TBC1D12: variants seen among roughly 807,000 people sequenced by gnomAD.
TBC1D12 encodes TBC1 domain family member 12, also known as TBC1 domain family, member 12.
TBC1D12 carries 56 observed loss-of-function variants against 86.7 expected under a neutral mutation model. The ratio of observed to expected loss-of-function variants is 0.65; its 90% CI spans 0.52 to 0.81. The LOEUF is 0.81. Among genes scored for constraint, TBC1D12 ranks in the 30% least tolerant of loss-of-function variants. The probability of loss-of-function intolerance (pLI) is 0.00; values close to 1 mark genes in which losing one functional copy is unlikely to be tolerated. For synonymous variants in TBC1D12, 421 were observed against 411.7 expected (o/e 1.02, Z -0.27); for missense variants, 1,023 against 1,038.8 (o/e 0.98, Z 0.21).
intron 4 of TBC1D12, among the ~76,000 whole-genome samples, chr10:94,496,821 G>A (rs2056326910): frequency 6.6e-6 from 1 of 152,282 alleles, no homozygotes; most frequent in African/African-American, 2.4e-5. Context: ...AACGTGGCGA[G>A]ACCCATCTCT....
chr10:94,486,136 C>CTTTTTTTTTTTTTTT (rs760373766), intron 3 of TBC1D12, among the ~76,000 whole-genome samples: 29 of 120,868 alleles, frequency 2.4e-4, no homozygotes, highest in South Asian at 3.0e-4. Flanking sequence ...TCTTCTTCTT[C>CTTTTTTTTTTTTTTT]TTCTTTTTTT....
At chr10:94,420,042 G>T (rs750674688) in intron 1 of TBC1D12, among the ~76,000 whole-genome samples, 3 of 152,130 alleles carry the variant, frequency 2.0e-5, no homozygotes, top group Non-Finnish European at 4.4e-5. Context: ...GAATGTTTGT[G>T]TCCCTCCAAA....
At chr10:94,418,441 C>T (rs2055028814) in intron 1 of TBC1D12, among the ~76,000 whole-genome samples, 1 of 152,094 alleles carries the variant, frequency 6.6e-6, no homozygotes, top group Admixed American at 6.5e-5. Context: ...AATGCTATTG[C>T]TAGTTTTGAA....
At chr10:94,531,838 T>C (rs1842436209) in intron 12 of TBC1D12, among the ~76,000 whole-genome samples, 1 of 146,408 alleles carries the variant, frequency 6.8e-6, no homozygotes, top group Non-Finnish European at 1.5e-5. Context: ...TTTTATGTTA[T>C]TTTATTTTAT....
chr10:94,402,783 A>C lies in TBC1D12; in HGVS notation c.170A>C (p.Glu57Ala). 6.5e-7 allele frequency: 1 copy of C among 1,546,104 alleles called. No individual in the cohort carries two copies. Among genetic ancestry groups the C allele is most frequent in the Non-Finnish European group, 8.7e-7 (1 of 1,145,190 alleles). ...CCGGAGGAGGCTGACGAGGAGGAGG[A>C]GGCTGACGAGGAGGAGGAGACGCCG... The part of the protein sequence containing the change: ...EPPEEADEEE[E>A]ADEEEETPPR... Residue 57 changes from glutamate to alanine, a missense_variant, in exon 1 of 13, where the codon GAG becomes GCG. By Grantham distance (107) the Glu-to-Ala change is moderately radical. Transcript: ENST00000225235.
chr10:94,404,411 T>C (rs1340203982), intron 1 of TBC1D12, among the ~76,000 whole-genome samples: 1 of 151,984 alleles, frequency 6.6e-6, no homozygotes, highest in African/African-American at 2.4e-5. Context: ...TTTGGGAGGC[T>C]GAGGCGGGCG....
At chr10:94,501,865 G>C (rs566099205) in intron 6 of TBC1D12, among the ~76,000 whole-genome samples, 2 of 151,806 alleles carry the variant, frequency 1.3e-5, no homozygotes, top group South Asian at 4.2e-4. Flanking sequence ...TAGTTTTGAT[G>C]AGTTTTTAAA....
At chr10:94,425,588 G>GT (rs149232402) in intron 1 of TBC1D12, among the ~76,000 whole-genome samples, 4,831 of 151,130 alleles carry the variant, frequency 0.032, 240 homozygotes, top group African/African-American at 0.11. Context: ...TAGAACTCAC[G>GT]TTTTTTTTTG....
intron 7 of TBC1D12, among the ~76,000 whole-genome samples, chr10:94,507,816 T>C (rs2056479810): frequency 6.6e-6 from 1 of 151,898 alleles, no homozygotes; most frequent in African/African-American, 2.4e-5. Context: ...CGAAACCCCA[T>C]CTCTACTAAA....
At chr10:94,474,843 G>A in intron 3 of TBC1D12, 60 bp downstream of exon 3, 1 of 1,445,452 alleles carries the variant, frequency 6.9e-7, no homozygotes, top group South Asian at 1.2e-5. Flanking sequence ...ATTTAATTTT[G>A]TTCACTATTT....
chr10:94,410,686 T>G (rs1188669074), intron 1 of TBC1D12, among the ~76,000 whole-genome samples: 1 of 152,220 alleles, frequency 6.6e-6, no homozygotes, highest in Non-Finnish European at 1.5e-5. Flanking sequence ...TTCCTAGGGC[T>G]TGAAGCTAAT....
Position 94,521,948 on chromosome 10 carries a change from T to A in TBC1D12, c.1762-7T>A, listed in dbSNP as rs1394623756. 6.3e-7 allele frequency: 1 copy of A among 1,580,216 alleles called. No individual in the cohort carries two copies. Among genetic ancestry groups the A allele is most frequent in the East Asian group, 2.3e-5 (1 of 44,430 alleles). ...TCCATTTTGACTAAATTTTTCTCCC[T>A]TTGAAGGTCCAAGGGATGTCCTTCA... is the stretch of plus-strand genomic sequence containing the variant. On this transcript the variant is annotated splice_polypyrimidine_tract_variant and splice_region_variant and intron_variant, in intron 9 of 12. Transcript: ENST00000225235.
At chr10:94,447,068 A>C (rs982006467) in intron 2 of TBC1D12, among the ~76,000 whole-genome samples, 1 of 151,832 alleles carries the variant, frequency 6.6e-6, no homozygotes, top group South Asian at 2.1e-4. Context: ...AAAAAAAAAA[A>C]AAAAAAAACC....
intron 4 of TBC1D12, among the ~76,000 whole-genome samples, chr10:94,493,758 T>TA: frequency 6.6e-6 from 1 of 152,090 alleles, no homozygotes. Flanking sequence ...TTTACCATGT[T>TA]GCCCATGCTT....
intron 1 of TBC1D12, among the ~76,000 whole-genome samples, chr10:94,425,701 A>T (rs1015865726): frequency 6.6e-6 from 1 of 152,190 alleles, no homozygotes; most frequent in Non-Finnish European, 1.5e-5. Context: ...TTGGCTTTCC[A>T]TATTGATTTT....
intron 3 of TBC1D12, among the ~76,000 whole-genome samples, chr10:94,482,696 C>T (rs1032556517): frequency 2.5e-4 from 38 of 151,902 alleles, no homozygotes; most frequent in Admixed American, 2.2e-3. Flanking sequence ...GTGATCCGCC[C>T]GCCTCAGCCT....
chr10:94,428,827 A>G (rs1234090906), intron 1 of TBC1D12, among the ~76,000 whole-genome samples: 1 of 151,610 alleles, frequency 6.6e-6, no homozygotes, highest in East Asian at 2.0e-4. Flanking sequence ...CTCCCGCTTC[A>G]GCCTTCTGAG....
intron 2 of TBC1D12, among the ~76,000 whole-genome samples, chr10:94,465,735 C>T (rs80086727): frequency 0.022 from 3,275 of 146,990 alleles, 122 homozygotes; most frequent in African/African-American, 0.077. Context: ...TACATACATA[C>T]GTATACATAC....
At chr10:94,438,105 G>A (rs1001116424) in intron 1 of TBC1D12, among the ~76,000 whole-genome samples, 3 of 148,354 alleles carry the variant, frequency 2.0e-5, no homozygotes, top group African/African-American at 7.5e-5. Context: ...CTAGGGAATG[G>A]GCCATACTTT....
Sources: allele counts gnomAD v4.1 joint callset (sites outside exome capture counted in the v4.1 genomes callset), GRCh38; gene constraint gnomAD v4.1.1; transcripts MANE v1.5; gene names NCBI Gene and HGNC (gene_info 2026-07-23, HGNC 2026-07-21).